Variants in BANK1 observed in about 807,000 individuals in gnomAD.
BANK1 encodes B-cell scaffold protein with ankyrin repeats.
BANK1 carries 95 observed loss-of-function variants against 94.5 expected under a neutral mutation model. That is an observed-to-expected ratio of 1.00 (90% CI 0.85 to 1.19). BANK1 has a LOEUF of 1.19. BANK1 is among the 50% of genes most tolerant of loss of function. The pLI, the probability that BANK1 is intolerant of heterozygous loss-of-function variation, is 0.00. For synonymous variants in BANK1, 334 were observed against 308.4 expected, an observed-to-expected ratio of 1.08 and a Z score of -0.87; for missense variants, 987 against 932.2, an observed-to-expected ratio of 1.06 and a Z score of -0.77.
At chr4:102,041,286 A>T (rs1727694953) in intron 10 of BANK1, among the ~76,000 whole-genome samples, 1 of 152,094 alleles carries the variant, frequency 6.6e-6, no homozygotes, top group Non-Finnish European at 1.5e-5. Context: ...TAGAAAGATG[A>T]ACAGATTCTG....
rs1727235047 is a variant in BANK1 at position 102,030,026 on chromosome 4, C to G, written c.1661C>G (p.Thr554Arg). The change falls in exon 10 of 17, where the codon ACA becomes AGA. Residue 554 changes from threonine (T) to arginine (R), a missense_variant. Thr to Arg is a moderately conservative substitution (Grantham distance 71). Transcript: ENST00000322953. Reference sequence around the variant, plus strand: ...GGTCATCCTGGTGTTAGACAAGAAACAGGAGATGAACCCAAAGGAGAAAAA... The same window carrying G: ...GGTCATCCTGGTGTTAGACAAGAAAGAGGAGATGAACCCAAAGGAGAAAAA... The part of the protein sequence containing the change: ...NWGHPGVRQE[T>R]GDEPKGEKEK... The G allele has an allele frequency of 1.2e-6, 2 of 1,613,346 alleles. No homozygotes were observed. The highest frequency in any genetic ancestry group is 1.7e-6 in the Non-Finnish European group (2 of 1,179,810).
chr4:101,908,146 C>T lies in BANK1; in HGVS notation c.1010-9847C>T, dbSNP rs529377542. Among the ~76,000 whole-genome samples, 262 of 152,306 alleles carry T rather than the reference C, an allele frequency of 1.7e-3. 1 individual carries two copies. The highest frequency in any genetic ancestry group is 5.7e-3 in the African/African-American group (238 of 41,562). ...AAGCCGGAGGCATCACACTACCTGA[C>T]TTCAAACTGTCCTACAAGGCTACAG... On this transcript the variant is annotated intron_variant, in intron 6 of 16. Transcript: ENST00000322953.
At chr4:101,854,426 A>G (rs1727605886) in intron 2 of BANK1, among the ~76,000 whole-genome samples, 1 of 152,322 alleles carries the variant, frequency 6.6e-6, no homozygotes, top group South Asian at 2.1e-4. Flanking sequence ...TTACATTAGC[A>G]TATTTCAGTG....
intron 7 of BANK1, among the ~76,000 whole-genome samples, chr4:101,967,572 C>G (rs2631244): frequency 0.34 from 50,899 of 151,810 alleles, 9,675 homozygotes; most frequent in Non-Finnish European, 0.43. Context: ...ATAAACCCAC[C>G]AGGTCTCTGT....
chr4:101,829,217 T>C (rs1400527974), intron 1 of BANK1, among the ~76,000 whole-genome samples: 1 of 152,176 alleles, frequency 6.6e-6, no homozygotes, highest in Non-Finnish European at 1.5e-5. Flanking sequence ...CATTGATCCA[T>C]AGAGCTGGTT....
chr4:101,863,512 C>G (rs543074542), intron 4 of BANK1, among the ~76,000 whole-genome samples: 15 of 152,112 alleles, frequency 9.9e-5, no homozygotes, highest in South Asian at 4.1e-4. Flanking sequence ...ACATTTTGAA[C>G]ATTTTTTCCT....
At position 101,884,232 on chromosome 4, in the gene BANK1, C is replaced by T. The variant is rs28617415; in HGVS notation, c.904-11073C>T. Among the ~76,000 whole-genome samples the T allele has an allele frequency of 6.3e-3, 958 of 152,296 alleles. 10 individuals are homozygous for T. The highest frequency in any genetic ancestry group is 0.021 in the African/African-American group (884 of 41,558). ...GGTACCTTAGGTAGCAAAACACAAACGAGTATACATCAGTTATGCTCAAGT... is the reference window on the plus strand; with the variant it reads ...GGTACCTTAGGTAGCAAAACACAAATGAGTATACATCAGTTATGCTCAAGT... On this transcript the variant is annotated intron_variant, in intron 5 of 16. Transcript: ENST00000322953.
chr4:101,936,531 AGAT>A (rs1162919149), intron 7 of BANK1, among the ~76,000 whole-genome samples: 1 of 150,536 alleles, frequency 6.6e-6, no homozygotes, highest in African/African-American at 2.4e-5. Context: ...TAGACATATA[AGAT>A]GATACACATA....
chr4:101,984,357 G>C (rs566370260), intron 7 of BANK1, among the ~76,000 whole-genome samples: 12 of 152,076 alleles, frequency 7.9e-5, no homozygotes, highest in Non-Finnish European at 1.6e-4. Flanking sequence ...ATGACACTAA[G>C]TAGTTATTCT....
chr4:102,032,021 T>C (rs913356770), intron 10 of BANK1, among the ~76,000 whole-genome samples: 11 of 152,226 alleles, frequency 7.2e-5, no homozygotes. Flanking sequence ...GTCTAGATTA[T>C]AGATTATAAA....
rs571624335 is a variant in BANK1 at position 101,862,174 on chromosome 4, T to C, written c.625-352T>C. Among the ~76,000 whole-genome samples, 30 of 152,240 alleles carry C rather than the reference T, an allele frequency of 2.0e-4. No homozygotes were observed. The East Asian group carries it at 5.2e-3, about 26-fold the overall frequency. On this transcript the variant is annotated intron_variant, in intron 3 of 16. Transcript: ENST00000322953. ...AAAATGATTTGGTTAACAGCTGAAT[T>C]ATAGCCTTCTGCTGGTCTGCGAAAT... is the stretch of plus-strand genomic sequence containing the variant.
intron 6 of BANK1, among the ~76,000 whole-genome samples, chr4:101,915,583 C>T (rs919032051): frequency 1.1e-4 from 17 of 151,856 alleles, no homozygotes; most frequent in African/African-American, 3.6e-4. Flanking sequence ...AATTTTTTCT[C>T]TTATTTAAGA....
intron 7 of BANK1, among the ~76,000 whole-genome samples, chr4:102,008,724 A>AT (rs200727855): frequency 4.6e-4 from 69 of 151,404 alleles, no homozygotes; most frequent in African/African-American, 1.2e-3. Flanking sequence ...AGCTTACAAC[A>AT]TTTTTTTTTG....
intron 2 of BANK1, among the ~76,000 whole-genome samples, chr4:101,852,058 C>T (rs913529583): frequency 1.3e-5 from 2 of 152,030 alleles, no homozygotes; most frequent in African/African-American, 4.8e-5. Flanking sequence ...ATGTTTTGGA[C>T]TCCGTTTTCT....
chr4:101,796,730 C>T lies in BANK1; in HGVS notation c.70+5780C>T, dbSNP rs563034981. 2.6e-5 allele frequency among the ~76,000 whole-genome samples: 4 copies of T among 152,232 alleles called. No individual in the cohort carries two copies. In the East Asian group the frequency reaches 5.8e-4, roughly 22 times the overall value. The stretch of plus-strand genomic sequence containing the variant: ...TAGATTTATAACAACAACGTTTTCC[C>T]ATGTTTTGTTAACAGGATATTTTTA... On this transcript the variant is annotated intron_variant, in intron 1 of 16. Transcript: ENST00000322953.
At chr4:101,944,236 T>G (rs1432721623) in intron 7 of BANK1, among the ~76,000 whole-genome samples, 1 of 151,864 alleles carries the variant, frequency 6.6e-6, no homozygotes, top group Non-Finnish European at 1.5e-5. Flanking sequence ...ACATGCAAAG[T>G]AACCAGGAAA....
intron 7 of BANK1, among the ~76,000 whole-genome samples, chr4:101,928,957 A>G (rs2148904564): frequency 6.6e-6 from 1 of 151,786 alleles, no homozygotes; most frequent in South Asian, 2.1e-4. Flanking sequence ...ACTGAGGCTA[A>G]CAAGTTGGAG....
intron 6 of BANK1, among the ~76,000 whole-genome samples, chr4:101,896,230 G>C (rs1369727108): frequency 1.3e-5 from 2 of 151,888 alleles, no homozygotes; most frequent in African/African-American, 4.8e-5. Flanking sequence ...TTGACATACT[G>C]TTTATAATTC....
intron 7 of BANK1, among the ~76,000 whole-genome samples, chr4:102,014,845 A>G (rs920080697): frequency 1.3e-5 from 2 of 152,144 alleles, no homozygotes; most frequent in Non-Finnish European, 2.9e-5. Flanking sequence ...AAAGTTATCT[A>G]CACCAGAAAT....
Sources: gnomAD v4.1 joint callset for allele counts (sites outside exome capture counted in the v4.1 genomes callset) on GRCh38, gnomAD v4.1.1 for gene constraint, MANE v1.5 for transcripts, NCBI Gene and HGNC (gene_info 2026-07-23, HGNC 2026-07-21) for gene names.